The following ANKRD13A variants were observed in gnomAD, a reference collection of about 807,000 sequenced individuals.
The protein encoded by ANKRD13A is ankyrin repeat domain 13A, also known as ankyrin repeat domain-containing protein 13A.
ANKRD13A carries 48 observed loss-of-function variants against 81.3 expected under a neutral mutation model. That is an observed-to-expected ratio of 0.59 (90% confidence interval 0.47 to 0.75). ANKRD13A has a LOEUF of 0.75. ANKRD13A is among the 30% of genes least tolerant of loss of function. The pLI, the probability that ANKRD13A is intolerant of heterozygous loss-of-function variation, is 0.00. For synonymous variants in ANKRD13A, 230 were observed against 270.1 expected, an observed-to-expected ratio of 0.85 and a Z score of 1.45; for missense variants, 612 against 734.0, an observed-to-expected ratio of 0.83 and a Z score of 1.92.
chr12:110,019,243 A>C lies in ANKRD13A; in HGVS notation c.649A>C (p.Lys217Gln), dbSNP rs368511846. ...GGAGCGCCTCACTCTGGACTTGATG[A>C]AGCCAAAAAGCAGGGAAGTTGAGCG... ...EMERLTLDLMKPKSREVERRL... is the reference protein window; with the variant it reads ...EMERLTLDLMQPKSREVERRL... Residue 217 changes from lysine (K) to glutamine (Q), a missense_variant, in exon 6 of 15, where the codon AAG becomes CAG. Physicochemically the swap from Lys to Gln is moderately conservative, Grantham distance 53. Coordinates refer to ENST00000261739, the MANE Select transcript of ANKRD13A (RefSeq NM_033121.2). 5.6e-6 allele frequency: 9 copies of C among 1,614,168 alleles called. No homozygotes were observed. The highest frequency in any genetic ancestry group is 7.6e-6 in the Non-Finnish European group (9 of 1,179,996).
rs552783068 is a variant in ANKRD13A, at chr12:110,037,789, G to C, written c.*235G>C. 4.8e-6 allele frequency: 2 copies of C among 416,238 alleles called. No individual in the cohort carries two copies. Among genetic ancestry groups the C allele is most frequent in the South Asian group, 5.0e-5 (1 of 19,904 alleles). The allele number at this position is 416,238 out of a possible 1,614,324, so 25.8% of individuals were successfully genotyped here. A position where few individuals can be genotyped will look rare whatever the true frequency, so the allele number is the denominator to read the frequency against. ...CCCCATCTCCAGGCTAAGGGGAGGA[G>C]AGCATCATCACTTTCCATTAGCTGT... On this transcript the variant is annotated 3_prime_UTR_variant, in exon 15 of 15. Coordinates refer to ENST00000261739, the MANE Select transcript of ANKRD13A (RefSeq NM_033121.2).
At chr12:110,035,291 G>C (rs1296854565) in intron 13 of ANKRD13A, among the ~76,000 whole-genome samples, 1 of 152,156 alleles carries the variant, frequency 6.6e-6, no homozygotes, top group Non-Finnish European at 1.5e-5. Context: ...GTATTGAATT[G>C]TGTCTTCTAA....
At chr12:110,023,927 G>A (rs1593219545) in intron 6 of ANKRD13A, 119 bp from the exon 7 acceptor site, 1 of 979,428 alleles carries the variant, frequency 1.0e-6, no homozygotes, top group East Asian at 2.4e-5. Flanking sequence ...ATAGGACCAT[G>A]ATTTCCAAGT....
At position 109,999,868 on chromosome 12, in the gene ANKRD13A, C is replaced by A. The variant is rs572232492; in HGVS notation, c.96+84C>A. 21 of 1,252,308 alleles carry A rather than the reference C, an allele frequency of 1.7e-5. No homozygotes were observed. In the South Asian group the frequency reaches 2.6e-4, roughly 15 times the overall value. 77.6% of individuals were successfully genotyped at this position (1,252,308 alleles called of 1,614,324 possible). On this transcript the variant is annotated intron_variant, in intron 1 of 14. Coordinates refer to ENST00000261739, the MANE Select transcript of ANKRD13A (RefSeq NM_033121.2). This position sits in a 1 kb window ranked among gnomAD's most constrained non-coding sequence, Gnocchi z 4.3. ...TTCGCCTCCCTGAGCCCATTTCCAG[C>A]CCTCTGTCCCCGGGATCCCCAGACC... is the stretch of plus-strand genomic sequence containing the variant.
At chr12:110,025,617 C>A in intron 7 of ANKRD13A, 125 bp from the exon 8 acceptor site, 2 of 696,522 alleles carry the variant, frequency 2.9e-6, no homozygotes, top group Admixed American at 2.5e-5. Context: ...GATAGTTAAC[C>A]ATTTCTCATT....
At chr12:110,029,693 A>G in intron 11 of ANKRD13A, 58 bp downstream of exon 11, 1 of 1,587,140 alleles carries the variant, frequency 6.3e-7, no homozygotes, top group South Asian at 1.1e-5. Flanking sequence ...TGTGGGTGGC[A>G]GCATGTGGGT....
chr12:110,030,406 A>G (rs575597345), intron 11 of ANKRD13A, among the ~76,000 whole-genome samples: 1 of 152,218 alleles, frequency 6.6e-6, no homozygotes, highest in East Asian at 1.9e-4. Flanking sequence ...ACCTCAGGTG[A>G]TCAGCTCGCC....
chr12:110,030,786 A>G, intron 12 of ANKRD13A, 28 bp downstream of exon 12: 1 of 1,479,976 alleles, frequency 6.8e-7, no homozygotes. Context: ...TACAAAGTTT[A>G]GTTTTGTTAT....
At chr12:110,005,729 T>A (rs1038690586) in intron 1 of ANKRD13A, among the ~76,000 whole-genome samples, 2 of 152,214 alleles carry the variant, frequency 1.3e-5, no homozygotes, top group Non-Finnish European at 2.9e-5. Context: ...CGAAAATGTT[T>A]CTCCGTTTGT....
At chr12:110,009,333 G>T (rs779530411) in intron 1 of ANKRD13A, among the ~76,000 whole-genome samples, 1 of 152,146 alleles carries the variant, frequency 6.6e-6, no homozygotes, top group East Asian at 1.9e-4. Context: ...CACCCGCCTC[G>T]GCCTCTCAAA....
chr12:110,033,544 C>A (rs903243335), intron 12 of ANKRD13A, among the ~76,000 whole-genome samples: 1 of 152,012 alleles, frequency 6.6e-6, no homozygotes, highest in Non-Finnish European at 1.5e-5. Context: ...GAGAAATCTG[C>A]GCTTTTCATT....
chr12:110,034,208 C>T (rs560301628), intron 13 of ANKRD13A, among the ~76,000 whole-genome samples: 54 of 152,314 alleles, frequency 3.5e-4, no homozygotes, highest in Non-Finnish European at 6.9e-4. Flanking sequence ...CTCATATTCA[C>T]GCACATAGCT....
At position 110,038,863 on chromosome 12, in the gene ANKRD13A, A is replaced by T. The variant is rs1593239041; in HGVS notation, c.*1309A>T. 1 of 152,314 alleles carries T rather than the reference A, an allele frequency of 6.6e-6. No individual in the cohort carries two copies. Among genetic ancestry groups the T allele is most frequent in the South Asian group, 2.1e-4 (1 of 4,828 alleles). The allele number at this position is 152,314 out of a possible 1,614,324, so 9.4% of individuals were successfully genotyped here. A position where few individuals can be genotyped will look rare whatever the true frequency, so the allele number is the denominator to read the frequency against. On this transcript the variant is annotated 3_prime_UTR_variant, in exon 15 of 15. Transcript: ENST00000261739. Reference sequence around the variant, plus strand: ...ACTGCTCACTGTGGCCCGTGTATTCATTCCCACAGGCTGCACTGAAATAAC... The same window carrying T: ...ACTGCTCACTGTGGCCCGTGTATTCTTTCCCACAGGCTGCACTGAAATAAC...
chr12:110,009,683 A>T (rs910918062), intron 1 of ANKRD13A, among the ~76,000 whole-genome samples: 3 of 152,180 alleles, frequency 2.0e-5, no homozygotes, highest in Admixed American at 6.5e-5. Context: ...GATGAGAGAG[A>T]TGCAGGAAGG....
chr12:110,001,436 C>CTT (rs529237445), intron 1 of ANKRD13A, among the ~76,000 whole-genome samples: 4 of 139,840 alleles, frequency 2.9e-5, no homozygotes, highest in African/African-American at 5.2e-5. Context: ...TTTTCTGTTT[C>CTT]TTTTTTTTTT....
intron 1 of ANKRD13A, among the ~76,000 whole-genome samples, chr12:110,006,017 A>G (rs1400550131): frequency 6.6e-6 from 1 of 152,246 alleles, no homozygotes; most frequent in South Asian, 2.1e-4. Context: ...GGGTTTCACC[A>G]TGTTGGCCAG....
rs1206976573 is a variant in ANKRD13A, at chr12:110,038,797, A to G, written c.*1243A>G. On this transcript the variant is annotated 3_prime_UTR_variant, in exon 15 of 15. Coordinates refer to ENST00000261739, the MANE Select transcript of ANKRD13A (RefSeq NM_033121.2). ...TTGTCAAACCCTCTTGTATATAACC[A>G]TCGCACAACATACAGAACCCTGGGG... 2.0e-5 allele frequency: 3 copies of G among 152,228 alleles called. No individual in the cohort carries two copies. Among genetic ancestry groups the G allele is most frequent in the African/African-American group, 4.8e-5 (2 of 41,436 alleles). 9.4% of individuals were successfully genotyped at this position (152,228 alleles called of 1,614,324 possible).
In ANKRD13A at chr12:110,037,671, A is replaced by C; in HGVS notation, c.*117A>C. On this transcript the variant is annotated 3_prime_UTR_variant, in exon 15 of 15. Coordinates refer to ENST00000261739, the MANE Select transcript of ANKRD13A (RefSeq NM_033121.2). ...CCTTGCGTGCATGCAGCAGGCAACA[A>C]CTGCCCCTTCTTTATGCAGAGGTGC... 9.6e-7 allele frequency: 1 copy of C among 1,040,636 alleles called. No individual in the cohort carries two copies. Among genetic ancestry groups the C allele is most frequent in the Non-Finnish European group, 1.4e-6 (1 of 733,154 alleles). The allele number at this position is 1,040,636 out of a possible 1,614,324, so 64.5% of individuals were successfully genotyped here.
chr12:110,019,747 T>G (rs1566055251), intron 6 of ANKRD13A, among the ~76,000 whole-genome samples: 1 of 152,230 alleles, frequency 6.6e-6, no homozygotes, highest in African/African-American at 2.4e-5. Flanking sequence ...GTCAGTCAGA[T>G]TCACACTTAC....
Sources: allele counts gnomAD v4.1 joint callset (sites outside exome capture counted in the v4.1 genomes callset), GRCh38; gene constraint gnomAD v4.1.1; non-coding constraint Gnocchi (gnomAD v3.1); transcripts MANE v1.5; gene names NCBI Gene and HGNC (gene_info 2026-07-23, HGNC 2026-07-21).